REC114: variants seen among roughly 807,000 people sequenced by gnomAD.
REC114 encodes meiotic recombination protein REC114.
Under a neutral mutation model 31.3 loss-of-function variants are expected in REC114, and 27 were observed. The ratio of observed to expected loss-of-function variants is 0.86; its 90% CI spans 0.64 to 1.19. REC114 has a LOEUF of 1.19. REC114 is among the 50% of genes most tolerant of loss of function. The pLI, the probability that REC114 is intolerant of heterozygous loss-of-function variation, is 0.00. For missense variants in REC114, 344 were observed against 326.9 expected (o/e 1.05, Z -0.40); for synonymous variants, 134 against 127.7 (o/e 1.05, Z -0.33).
At chr15:73,451,158 A>G (rs1892841478) in intron 1 of REC114, among the ~76,000 whole-genome samples, 1 of 152,230 alleles carries the variant, frequency 6.6e-6, no homozygotes, top group Non-Finnish European at 1.5e-5. Context: ...AAGGAGACAG[A>G]CACTTGAAAA....
intron 1 of REC114, among the ~76,000 whole-genome samples, chr15:73,451,719 A>C (rs1052417143): frequency 2.0e-5 from 3 of 152,238 alleles, no homozygotes; most frequent in Non-Finnish European, 4.4e-5. Flanking sequence ...ATGAACATTG[A>C]TGCGAAAATC....
At chr15:73,474,191 A>G (rs1241320919) in intron 2 of REC114, among the ~76,000 whole-genome samples, 2 of 152,210 alleles carry the variant, frequency 1.3e-5, no homozygotes, top group African/African-American at 2.4e-5. Flanking sequence ...AGTAAGGGAG[A>G]TTGAGTTAAG....
intron 2 of REC114, among the ~76,000 whole-genome samples, chr15:73,487,722 C>T (rs1199442637): frequency 1.3e-5 from 2 of 152,182 alleles, no homozygotes; most frequent in Non-Finnish European, 2.9e-5. Context: ...TCTGGTGGCT[C>T]TACAGTTGTG....
At chr15:73,450,752 G>A (rs780136178) in intron 1 of REC114, among the ~76,000 whole-genome samples, 3 of 152,176 alleles carry the variant, frequency 2.0e-5, no homozygotes, top group East Asian at 3.9e-4. Flanking sequence ...ACTTCTTAGC[G>A]AATGCAAAAG....
intron 2 of REC114, among the ~76,000 whole-genome samples, chr15:73,512,047 TAA>T (rs1245182380): frequency 7.6e-6 from 1 of 131,574 alleles, no homozygotes; most frequent in Non-Finnish European, 1.6e-5. Context: ...AGTGGGGTGT[TAA>T]AGTCTCCCAT....
rs1038921017 is a variant in REC114, at chr15:73,551,214, A to G, written c.546+64A>G. The G allele has an allele frequency of 3.2e-5, 46 of 1,418,002 alleles. No individual in the cohort carries two copies. The African/African-American group carries it at 5.1e-4, about 16-fold the overall frequency. 87.8% of individuals were successfully genotyped at this position (1,418,002 alleles called of 1,614,324 possible). A position where few individuals can be genotyped will look rare whatever the true frequency, so the allele number is the denominator to read the frequency against. On this transcript the variant is annotated intron_variant, in intron 4 of 5. Transcript: ENST00000331090. ...CAATGCAGTGCACAATGAGTGGCCA[A>G]AATGACAGTGGAGTTTGTCAAGTCT... is the stretch of plus-strand genomic sequence containing the variant.
intron 2 of REC114, among the ~76,000 whole-genome samples, chr15:73,474,912 A>G (rs1206114323): frequency 6.6e-6 from 1 of 152,216 alleles, no homozygotes. Context: ...GATGACCTGC[A>G]AAGTCATCTT....
intron 2 of REC114, chr15:73,483,647 C>T (rs1893325213): frequency 6.6e-6 from 1 of 152,256 alleles, no homozygotes; most frequent in Non-Finnish European, 1.5e-5. Flanking sequence ...TGATATTTAG[C>T]TTCTCCTTTT....
At chr15:73,473,349 A>G (rs1479551651) in intron 1 of REC114, among the ~76,000 whole-genome samples, 5 of 152,032 alleles carry the variant, frequency 3.3e-5, no homozygotes, top group Admixed American at 6.6e-5. Flanking sequence ...AGATCACACC[A>G]TTGCACTCCA....
chr15:73,544,112 A>G (rs1328237117), intron 3 of REC114, among the ~76,000 whole-genome samples: 1 of 151,960 alleles, frequency 6.6e-6, no homozygotes, highest in Non-Finnish European at 1.5e-5. Context: ...TGCCTAGCCA[A>G]TGGTTCGATA....
chr15:73,502,527 A>G (rs1893616882), intron 2 of REC114, among the ~76,000 whole-genome samples: 1 of 152,212 alleles, frequency 6.6e-6, no homozygotes, highest in South Asian at 2.1e-4. Flanking sequence ...AATCATAAGG[A>G]AGAGAAAATA....
chr15:73,558,127 G>A (rs2141339958), intron 5 of REC114, among the ~76,000 whole-genome samples: 1 of 152,230 alleles, frequency 6.6e-6, no homozygotes, highest in African/African-American at 2.4e-5. Flanking sequence ...ATCATTTAAG[G>A]CCAGGAGTTC....
intron 1 of REC114, among the ~76,000 whole-genome samples, chr15:73,451,931 C>T (rs187744405): frequency 1.3e-5 from 2 of 152,316 alleles, no homozygotes; most frequent in African/African-American, 4.8e-5. Context: ...CAAAATTCAA[C>T]AGCACTTCAT....
intron 1 of REC114, among the ~76,000 whole-genome samples, chr15:73,453,373 C>T (rs184563141): frequency 1.3e-5 from 2 of 152,144 alleles, no homozygotes; most frequent in Non-Finnish European, 2.9e-5. Flanking sequence ...TAAAAAAGCT[C>T]GTCATCACTG....
intron 1 of REC114, among the ~76,000 whole-genome samples, chr15:73,471,016 C>G (rs775691583): frequency 1.3e-5 from 2 of 152,076 alleles, no homozygotes; most frequent in African/African-American, 4.8e-5. Flanking sequence ...GGGCCTAGAC[C>G]GTGGAGTGCG....
At chr15:73,449,518 G>T (rs1331958326) in intron 1 of REC114, among the ~76,000 whole-genome samples, 6 of 152,172 alleles carry the variant, frequency 3.9e-5, no homozygotes, top group Admixed American at 3.3e-4. Context: ...ATCTATGTAT[G>T]ATTGGTGTAC....
chr15:73,517,037 C>T (rs768798243), intron 2 of REC114, among the ~76,000 whole-genome samples: 1 of 152,180 alleles, frequency 6.6e-6, no homozygotes, highest in Admixed American at 6.5e-5. Flanking sequence ...GTTGAGAGAA[C>T]CTCACTAGGA....
intron 1 of REC114, among the ~76,000 whole-genome samples, chr15:73,451,175 C>A (rs994690223): frequency 1.3e-5 from 2 of 152,048 alleles, no homozygotes; most frequent in African/African-American, 4.8e-5. Flanking sequence ...AAAAACCCTT[C>A]AAAAGTCAGT....
At chr15:73,543,551 A>T (rs182602709) in intron 3 of REC114, among the ~76,000 whole-genome samples, 1,801 of 151,796 alleles carry the variant, frequency 0.012, 12 homozygotes, top group Non-Finnish European at 0.019. Context: ...CTGGTCTCAA[A>T]CTCCCGACCT....
Sources: allele counts gnomAD v4.1 joint callset (sites outside exome capture counted in the v4.1 genomes callset), GRCh38; gene constraint gnomAD v4.1.1; transcripts MANE v1.5; gene names NCBI Gene and HGNC (gene_info 2026-07-23, HGNC 2026-07-21).